Variants in CLIP2 observed in about 807,000 individuals in gnomAD.
CLIP2 encodes the protein CAP-Gly domain-containing linker protein 2.
Under a neutral mutation model 111.7 loss-of-function variants are expected in CLIP2, and 41 were observed. The observed-to-expected ratio is 0.37, with a 90% CI of 0.29 to 0.48. The LOEUF (loss-of-function observed/expected upper bound fraction) is 0.48. CLIP2 is among the 20% of genes least tolerant of loss of function. The probability of loss-of-function intolerance (pLI) is 0.99; values close to 1 mark genes in which losing one functional copy is unlikely to be tolerated. For synonymous variants in CLIP2, 660 were observed against 644.2 expected (o/e 1.02, Z -0.37); for missense variants, 1,160 against 1,422.1 (o/e 0.82, Z 2.96).
chr7:74,381,130 C>A (rs1790933680), intron 11 of CLIP2: 1 of 265,486 alleles, frequency 3.8e-6, no homozygotes, highest in Non-Finnish European at 7.0e-6. Flanking sequence ...AATATCAAAC[C>A]TTATTATTTG....
intron 1 of CLIP2, among the ~76,000 whole-genome samples, chr7:74,297,731 G>T (rs1554726277): frequency 1.3e-5 from 2 of 152,092 alleles, no homozygotes; most frequent in Non-Finnish European, 2.9e-5. Context: ...AGCAGGCTGG[G>T]TGAATGTGGC....
intron 10 of CLIP2, chr7:74,380,524 T>C (rs905836566): frequency 2.6e-5 from 7 of 264,420 alleles, no homozygotes; most frequent in Non-Finnish European, 5.0e-5. Context: ...CTGTTTAATA[T>C]AATAAACATT....
chr7:74,333,247 G>A (rs868918232), intron 2 of CLIP2, among the ~76,000 whole-genome samples: 15 of 151,964 alleles, frequency 9.9e-5, no homozygotes, highest in Non-Finnish European at 1.3e-4. Context: ...GCAGTGATGC[G>A]ATTTCAGCTC....
intron 16 of CLIP2, among the ~76,000 whole-genome samples, chr7:74,401,922 G>T (rs1264453590): frequency 6.6e-6 from 1 of 151,260 alleles, no homozygotes; most frequent in East Asian, 1.9e-4. Context: ...AAAATTAGCC[G>T]GGTAGGGTGG....
chr7:74,401,673 G>A (rs781823976), intron 16 of CLIP2, 106 bp downstream of exon 16: 4 of 1,199,198 alleles, frequency 3.3e-6, no homozygotes. Context: ...CATTCTGCAA[G>A]AAGCTTTACA....
intron 1 of CLIP2, among the ~76,000 whole-genome samples, chr7:74,301,280 G>A (rs1204652631): frequency 6.6e-6 from 1 of 152,118 alleles, no homozygotes; most frequent in African/African-American, 2.4e-5. Flanking sequence ...GATTGTAATT[G>A]CAAGGTCCTT....
chr7:74,322,571 G>A (rs540829011), intron 2 of CLIP2, among the ~76,000 whole-genome samples: 2 of 152,014 alleles, frequency 1.3e-5, no homozygotes, highest in South Asian at 2.1e-4. Context: ...GTGAGACTCC[G>A]TCTCAAAAAA....
chr7:74,395,152 T>C (rs1791410373), intron 13 of CLIP2, among the ~76,000 whole-genome samples: 1 of 151,890 alleles, frequency 6.6e-6, no homozygotes, highest in South Asian at 2.1e-4. Flanking sequence ...GGATACCTTC[T>C]TTTTCTTCTT....
chr7:74,368,758 T>A lies in CLIP2; in HGVS notation c.1381-4174T>A, dbSNP rs1584367038. Among the ~76,000 whole-genome samples, 6 of 152,224 alleles carry A rather than the reference T, an allele frequency of 3.9e-5. No homozygotes were observed. In the South Asian group the frequency reaches 1.0e-3, roughly 26 times the overall value. ...TCGTTTTCATTTTTAATGTTGGAAA[T>A]TTTTAAGCCTATACAAAAATAGAGA... On this transcript the variant is annotated intron_variant, in intron 8 of 16. Coordinates refer to ENST00000223398, the MANE Select transcript of CLIP2 (RefSeq NM_003388.5).
intron 4 of CLIP2, 76 bp downstream of exon 4, chr7:74,354,080 C>T: frequency 6.7e-7 from 1 of 1,501,512 alleles, no homozygotes; most frequent in African/African-American, 1.4e-5. Context: ...GGAGATGGGA[C>T]ATTGGAGGAA....
At chr7:74,365,415 G>A (rs1352422881) in intron 8 of CLIP2, among the ~76,000 whole-genome samples, 1 of 152,190 alleles carries the variant, frequency 6.6e-6, no homozygotes, top group African/African-American at 2.4e-5. Flanking sequence ...CTTCCGATCT[G>A]TGTCTGAGGT....
At position 74,400,393 on chromosome 7, in the gene CLIP2, T is replaced by C; in HGVS notation, c.2904T>C (p.Asp968=). The C allele has an allele frequency of 1.2e-6, 2 of 1,611,814 alleles. No individual in the cohort carries two copies. Among genetic ancestry groups the C allele is most frequent in the Non-Finnish European group, 1.7e-6 (2 of 1,178,652 alleles). ...TGLDKEKSLS[D]QRRYSLIDRS... ...AGGACAAAGAGAAATCCCTGTCGGA[T>C]CAGAGGCGCTACTCCCTCATCGACC... Residue 968 remains aspartate (D), a synonymous_variant, in exon 15 of 17, where the codon GAT becomes GAC. Transcript: ENST00000223398.
intron 13 of CLIP2, among the ~76,000 whole-genome samples, chr7:74,393,526 G>A (rs1460377397): frequency 6.6e-6 from 1 of 151,242 alleles, no homozygotes; most frequent in African/African-American, 2.4e-5. Flanking sequence ...AGTAGAGATG[G>A]GGTTTCTCCA....
At chr7:74,388,508 A>AG (rs1791185053) in intron 12 of CLIP2, among the ~76,000 whole-genome samples, 1 of 151,942 alleles carries the variant, frequency 6.6e-6, no homozygotes, top group African/African-American at 2.4e-5. Flanking sequence ...AAAAAAAAAA[A>AG]AAAATTTGGC....
chr7:74,389,588 TAAAAA>T (rs149173666), intron 13 of CLIP2, among the ~76,000 whole-genome samples: 5 of 104,662 alleles, frequency 4.8e-5, no homozygotes, highest in Non-Finnish European at 9.4e-5. Flanking sequence ...CCCCTATCTC[TAAAAA>T]AAAAAAAAAA....
chr7:74,385,122 CAAAAA>C (rs71094780), intron 11 of CLIP2, among the ~76,000 whole-genome samples: 1 of 51,614 alleles, frequency 1.9e-5, no homozygotes, highest in Non-Finnish European at 3.7e-5. Flanking sequence ...ATTAAAAATA[CAAAAA>C]AAAAAAAAAA....
intron 1 of CLIP2, among the ~76,000 whole-genome samples, chr7:74,313,964 C>T (rs559762796): frequency 1.3e-5 from 2 of 152,180 alleles, no homozygotes; most frequent in South Asian, 2.1e-4. Flanking sequence ...GGTAGAATTG[C>T]CTGAGGTCAG....
chr7:74,400,263 A>T, intron 14 of CLIP2, 107 bp from the exon 15 acceptor site: 1 of 1,005,278 alleles, frequency 9.9e-7, no homozygotes. Flanking sequence ...CCAGGCTTGG[A>T]ACCCAGAGAC....
At chr7:74,392,790 C>T (rs1554316065) in intron 13 of CLIP2, among the ~76,000 whole-genome samples, 2 of 152,190 alleles carry the variant, frequency 1.3e-5, no homozygotes, top group Non-Finnish European at 2.9e-5. Flanking sequence ...TGCACTCCAG[C>T]CTGGGCAACA....
Sources: gnomAD v4.1 joint callset for allele counts (sites outside exome capture counted in the v4.1 genomes callset) on GRCh38, gnomAD v4.1.1 for gene constraint, MANE v1.5 for transcripts, NCBI Gene and HGNC (gene_info 2026-07-23, HGNC 2026-07-21) for gene names.